Variants in PLPP3 observed in about 807,000 individuals in gnomAD.
PLPP3 encodes the protein PAP2 beta.
In PLPP3, 6 loss-of-function variants were observed where a neutral mutation model predicts 29.6. The ratio of observed to expected loss-of-function variants is 0.20; its 90% CI spans 0.11 to 0.40. PLPP3 has a LOEUF of 0.40. Ranked by LOEUF, PLPP3 falls within the 10% of genes least tolerant of loss-of-function variation. The pLI, the probability that PLPP3 is intolerant of heterozygous loss-of-function variation, is 1.00. For missense variants in PLPP3, 308 were observed against 407.7 expected, an observed-to-expected ratio of 0.76 and a Z score of 2.11; for synonymous variants, 152 against 159.7, an observed-to-expected ratio of 0.95 and a Z score of 0.36.
At chr1:56,562,324 C>T (rs909176538) in intron 1 of PLPP3, among the ~76,000 whole-genome samples, 2 of 151,958 alleles carry the variant, frequency 1.3e-5, no homozygotes, top group Admixed American at 6.6e-5. Flanking sequence ...CCTATGTGAT[C>T]GGGATTGTAG....
chr1:56,527,006 G>C (rs1398011400), intron 2 of PLPP3, among the ~76,000 whole-genome samples: 6 of 152,178 alleles, frequency 3.9e-5, no homozygotes, highest in Admixed American at 3.9e-4. Flanking sequence ...TTGATGCTGA[G>C]AAAGAACATG....
chr1:56,504,643 G>A (rs1040646548), intron 5 of PLPP3, among the ~76,000 whole-genome samples: 3 of 152,172 alleles, frequency 2.0e-5, no homozygotes, highest in African/African-American at 7.2e-5. Flanking sequence ...AACATATCAT[G>A]TTCTCACCCA....
At chr1:56,561,386 T>C (rs977775424) in intron 1 of PLPP3, among the ~76,000 whole-genome samples, 4 of 152,136 alleles carry the variant, frequency 2.6e-5, no homozygotes, top group Admixed American at 1.3e-4. Flanking sequence ...AATACTTTAT[T>C]ATTGACCGCT....
chr1:56,555,332 C>T (rs1232551962), intron 1 of PLPP3, among the ~76,000 whole-genome samples: 2 of 147,082 alleles, frequency 1.4e-5, no homozygotes, highest in Non-Finnish European at 3.0e-5. Context: ...GTTACATTAT[C>T]TCGTTATTGT....
In PLPP3 at chr1:56,566,145, A is replaced by G. The variant is rs577197880; in HGVS notation, c.139+12733T>C. On this transcript the variant is annotated intron_variant, in intron 1 of 5. Transcript: ENST00000371250. ...TCTGAAGTACTGAAAATAGCAGAGGATGCCCCATGATTGACCTAACAGACC... is the reference window on the plus strand; with the variant it reads ...TCTGAAGTACTGAAAATAGCAGAGGGTGCCCCATGATTGACCTAACAGACC... 3.3e-5 allele frequency among the ~76,000 whole-genome samples: 5 copies of G among 152,332 alleles called. No homozygotes were observed. In the East Asian group the frequency reaches 7.7e-4, roughly 24 times the overall value.
chr1:56,515,388 C>A (rs1235019434), intron 4 of PLPP3, among the ~76,000 whole-genome samples: 1 of 152,088 alleles, frequency 6.6e-6, no homozygotes, highest in Admixed American at 6.5e-5. Context: ...AGATCACAAG[C>A]CTTGGAAATC....
intron 1 of PLPP3, among the ~76,000 whole-genome samples, chr1:56,546,569 A>G (rs1646008127): frequency 6.6e-6 from 1 of 152,182 alleles, no homozygotes; most frequent in African/African-American, 2.4e-5. Flanking sequence ...TATGTTTTCA[A>G]TTATAAACCC....
intron 1 of PLPP3, among the ~76,000 whole-genome samples, chr1:56,538,042 C>T (rs1645939912): frequency 6.6e-6 from 1 of 152,170 alleles, no homozygotes; most frequent in Admixed American, 6.5e-5. Flanking sequence ...CTCATGGCCC[C>T]CATTCCCTTC....
intron 5 of PLPP3, among the ~76,000 whole-genome samples, chr1:56,509,117 G>A (rs113814017): frequency 6.6e-6 from 1 of 152,176 alleles, no homozygotes; most frequent in African/African-American, 2.4e-5. Context: ...ACAAGGCTGG[G>A]TGTCAGGCAT....
At chr1:56,504,186 G>A (rs77202488) in intron 5 of PLPP3, among the ~76,000 whole-genome samples, 1,737 of 152,284 alleles carry the variant, frequency 0.011, 39 homozygotes, top group African/African-American at 0.04. Context: ...GCAATTTTGC[G>A]GAGCATGCTG....
chr1:56,554,977 C>A (rs17416285), intron 1 of PLPP3, among the ~76,000 whole-genome samples: 1 of 152,056 alleles, frequency 6.6e-6, no homozygotes, highest in Non-Finnish European at 1.5e-5. Flanking sequence ...TATGAAGCAC[C>A]TATGATGAAC....
chr1:56,540,061 T>C (rs1645958002), intron 1 of PLPP3, among the ~76,000 whole-genome samples: 1 of 152,138 alleles, frequency 6.6e-6, no homozygotes, highest in Non-Finnish European at 1.5e-5. Flanking sequence ...AAAACACATA[T>C]AAAAGAGTTT....
intron 5 of PLPP3, 39 bp from the exon 6 acceptor site, chr1:56,496,715 A>C: frequency 1.2e-6 from 2 of 1,609,978 alleles, no homozygotes; most frequent in Non-Finnish European, 1.7e-6. Context: ...AGTAACTGAC[A>C]TCGGGGGTCT....
chr1:56,555,445 A>AAAAAAAAAAAAAAAAAACCAAAAACAAAC, intron 1 of PLPP3, among the ~76,000 whole-genome samples: 1 of 148,036 alleles, frequency 6.8e-6, no homozygotes, highest in Non-Finnish European at 1.5e-5. Context: ...AAAAAAAAAA[A>AAAAAAAAAAAAAAAAAACCAAAAACAAAC]AAAAAAAAAA....
Position 56,524,947 on chromosome 1 carries a change from G to T in PLPP3, c.298-393C>A, listed in dbSNP as rs937772699. Among the ~76,000 whole-genome samples, 5 of 152,018 alleles carry T rather than the reference G, an allele frequency of 3.3e-5. No homozygotes were observed. The highest frequency in any genetic ancestry group is 6.6e-5 in the Admixed American group (1 of 15,266). On this transcript the variant is annotated intron_variant, in intron 2 of 5. Coordinates refer to ENST00000371250, the MANE Select transcript of PLPP3 (RefSeq NM_003713.5). The surrounding 1 kb of genome is among the most constrained non-coding windows in gnomAD (Gnocchi z 4.3). ...ATGTCACAGGGTCTGAGCAAATCTCGAGATTCTGAGATTTGGGGTAAAGGA... is the reference window on the plus strand; with the variant it reads ...ATGTCACAGGGTCTGAGCAAATCTCTAGATTCTGAGATTTGGGGTAAAGGA...
rs373721250 is a variant in PLPP3 at position 56,502,872 on chromosome 1, C to T, written c.811-6196G>A. ...TCTTAATAGAGCTCCACCATGTGAG[C>T]GTAAAGACCATGGCTGTTGCTCCTT... On this transcript the variant is annotated intron_variant, in intron 5 of 5. Coordinates refer to ENST00000371250, the MANE Select transcript of PLPP3 (RefSeq NM_003713.5). Among the ~76,000 whole-genome samples, 17 of 152,318 alleles carry T rather than the reference C, an allele frequency of 1.1e-4. No homozygotes were observed. In the East Asian group the frequency reaches 2.3e-3, roughly 21 times the overall value.
chr1:56,501,007 CAAAAAAAAAA>C (rs71048436), intron 5 of PLPP3, among the ~76,000 whole-genome samples: 7 of 84,926 alleles, frequency 8.2e-5, no homozygotes, highest in African/African-American at 2.3e-4. Context: ...CTGTCTCAGA[CAAAAAAAAAA>C]AAAAAAAAAA....
rs367977475 is a variant in PLPP3 at position 56,496,529 on chromosome 1, C to T, written c.*22G>A. 3.6e-5 allele frequency: 58 copies of T among 1,611,964 alleles called. No homozygotes were observed. The highest frequency in any genetic ancestry group is 4.4e-5 in the Non-Finnish European group (52 of 1,178,686). Reference sequence around the variant, plus strand: ...GCTGTCAGCAGTCATTTTACAAAAACAGCTCAGGAGGTGGGTGGCACCTAC... The same window carrying T: ...GCTGTCAGCAGTCATTTTACAAAAATAGCTCAGGAGGTGGGTGGCACCTAC... On this transcript the variant is annotated 3_prime_UTR_variant, in exon 6 of 6. Transcript: ENST00000371250.
chr1:56,532,273 T>A (rs1461859225), intron 2 of PLPP3, among the ~76,000 whole-genome samples: 1 of 152,180 alleles, frequency 6.6e-6, no homozygotes, highest in African/African-American at 2.4e-5. Flanking sequence ...GAAGGATTAA[T>A]GTGGCCTCTC....
Sources: allele counts gnomAD v4.1 joint callset (sites outside exome capture counted in the v4.1 genomes callset), GRCh38; gene constraint gnomAD v4.1.1; non-coding constraint Gnocchi (gnomAD v3.1); transcripts MANE v1.5; gene names NCBI Gene and HGNC (gene_info 2026-07-23, HGNC 2026-07-21).